CALM3: variants seen among roughly 807,000 people sequenced by gnomAD.
The protein encoded by CALM3 is calmodulin 3.
In CALM3, 5 loss-of-function variants were observed where a neutral mutation model predicts 20.1. The observed-to-expected ratio is 0.25, with a 90% CI of 0.13 to 0.52. The LOEUF (loss-of-function observed/expected upper bound fraction) is 0.52. CALM3 is among the 20% of genes least tolerant of loss of function. The pLI is 0.96. For synonymous variants in CALM3, 69 were observed against 68.1 expected, an observed-to-expected ratio of 1.01 and a Z score of -0.06; for missense variants, 57 against 192.8, an observed-to-expected ratio of 0.30 and a Z score of 4.17.
At chr19:46,602,419 T>C (rs1167806303) in intron 1 of CALM3, among the ~76,000 whole-genome samples, 1 of 128,934 alleles carries the variant, frequency 7.8e-6, no homozygotes, top group Non-Finnish European at 1.6e-5. Context: ...GCTTGGGTGG[T>C]TGGGAGGTGA....
At position 46,608,339 on chromosome 19, in the gene CALM3, T is replaced by C; in HGVS notation, c.177T>C (p.Asp59=). Residue 59 remains aspartate, a splice_region_variant and synonymous_variant, in exon 3 of 6, where the codon GAT becomes GAC. Transcript: ENST00000291295. The surrounding 1 kb of genome is among the most constrained non-coding windows in gnomAD (Gnocchi z 5.5). ...LQDMINEVDA[D]GNGTIDFPEF... ...ATATGATCAATGAGGTGGATGCAGA[T>C]GGTGAGCCCCACAGAGCGCGTGGGC... 1 of 1,614,050 alleles carries C rather than the reference T, an allele frequency of 6.2e-7. No individual in the cohort carries two copies. Among genetic ancestry groups the C allele is most frequent in the Non-Finnish European group, 8.5e-7 (1 of 1,179,964 alleles).
At chr19:46,603,440 G>A (rs1971676695) in intron 1 of CALM3, among the ~76,000 whole-genome samples, 1 of 152,208 alleles carries the variant, frequency 6.6e-6, no homozygotes, top group Admixed American at 6.5e-5. Context: ...GAGGGGCCCT[G>A]GCCTTGGTTT....
chr19:46,606,827 G>T (rs953374007), intron 2 of CALM3, among the ~76,000 whole-genome samples: 2 of 152,144 alleles, frequency 1.3e-5, no homozygotes, highest in African/African-American at 4.8e-5. Flanking sequence ...TATCTCCATA[G>T]CCAGGGGCCA....
At position 46,605,520 on chromosome 19, in the gene CALM3, C is replaced by T. The variant is rs1599756241; in HGVS notation, c.4-307C>T. Among the ~76,000 whole-genome samples the T allele has an allele frequency of 6.6e-6, 1 of 152,246 alleles. No individual in the cohort carries two copies. The highest frequency in any genetic ancestry group is 2.4e-5 in the African/African-American group (1 of 41,478). ...GTTTGGGGCTGGGGCAGGCTTTTCT[C>T]CCGCCCCTGTGGCTCCCACATGCTG... is the stretch of plus-strand genomic sequence containing the variant. On this transcript the variant is annotated intron_variant, in intron 1 of 5. Coordinates refer to ENST00000291295, the MANE Select transcript of CALM3 (RefSeq NM_005184.4). This position sits in a 1 kb window ranked among gnomAD's most constrained non-coding sequence, Gnocchi z 4.1.
At chr19:46,603,204 CAG>C (rs1216919032) in intron 1 of CALM3, among the ~76,000 whole-genome samples, 1 of 152,246 alleles carries the variant, frequency 6.6e-6, no homozygotes, top group African/African-American at 2.4e-5. Flanking sequence ...CTTGCTGACA[CAG>C]ACCTGATGGC....
rs200365925 is a variant in CALM3 at position 46,609,100 on chromosome 19, CCT to C, written c.422-16_422-15del. On this transcript the variant is annotated intron_variant, in intron 5 of 5. Transcript: ENST00000291295. The stretch of plus-strand genomic sequence containing the variant: ...GCCACTTAGCCTGCCCGCCTGACCT[CCT>C]CTCTCTCTGCTTCACTCCACAGAGT... 0.018 allele frequency: 29,103 copies of C among 1,613,832 alleles called. 310 individuals carry two copies. Among genetic ancestry groups the C allele is most frequent in the Non-Finnish European group, 0.021 (25,346 of 1,179,858 alleles).
At position 46,608,183 on chromosome 19, in the gene CALM3, C is replaced by G. The variant is rs370430097; in HGVS notation, c.35-14C>G. The G allele has an allele frequency of 4.5e-5, 72 of 1,611,868 alleles. No homozygotes were observed. In the African/African-American group the frequency reaches 8.8e-4, roughly 20 times the overall value. On this transcript the variant is annotated splice_polypyrimidine_tract_variant and intron_variant, in intron 2 of 5. Coordinates refer to ENST00000291295, the MANE Select transcript of CALM3 (RefSeq NM_005184.4). This position sits in a 1 kb window ranked among gnomAD's most constrained non-coding sequence, Gnocchi z 5.5. Reference sequence around the variant, plus strand: ...GACCTTGTGACCTCTGACTCCTCCCCCTTCTTCCCCCAGAGTTCAAGGAGG... The same window carrying G: ...GACCTTGTGACCTCTGACTCCTCCCGCTTCTTCCCCCAGAGTTCAAGGAGG...
Position 46,608,132 on chromosome 19 carries a change from C to T in CALM3, c.35-65C>T. The T allele has an allele frequency of 1.3e-6, 2 of 1,509,086 alleles. No individual in the cohort carries two copies. Among genetic ancestry groups the T allele is most frequent in the African/African-American group, 1.4e-5 (1 of 72,426 alleles). 93.5% of individuals were successfully genotyped at this position (1,509,086 alleles called of 1,614,324 possible). A position where few individuals can be genotyped will look rare whatever the true frequency, so the allele number is the denominator to read the frequency against. Reference sequence around the variant, plus strand: ...GCCTTCCTCCAGGGAAGGCATCCAGCATCCAGAGGTAAGGATTCTCCTGTG... The same window carrying T: ...GCCTTCCTCCAGGGAAGGCATCCAGTATCCAGAGGTAAGGATTCTCCTGTG... On this transcript the variant is annotated intron_variant, in intron 2 of 5. Transcript: ENST00000291295. The surrounding 1 kb of genome is among the most constrained non-coding windows in gnomAD (Gnocchi z 5.5).
In CALM3 at chr19:46,609,391, T is replaced by C. The variant is rs10113; in HGVS notation, c.*238T>C. On this transcript the variant is annotated 3_prime_UTR_variant, in exon 6 of 6. Transcript: ENST00000291295. Reference sequence around the variant, plus strand: ...CTTTTGCCCTCGCCTCTTCCATCCATGTCTTCCAAGGCCTGATGCATTCAT... The same window carrying C: ...CTTTTGCCCTCGCCTCTTCCATCCACGTCTTCCAAGGCCTGATGCATTCAT... The C allele has an allele frequency of 0.49, 289,653 of 588,516 alleles. 72,121 individuals carry two copies. Among genetic ancestry groups the C allele is most frequent in the Admixed American group, 0.56 (19,002 of 33,932 alleles). 36.5% of individuals were successfully genotyped at this position (588,516 alleles called of 1,614,324 possible).
In CALM3 at chr19:46,609,335, C is replaced by G; in HGVS notation, c.*182C>G. On this transcript the variant is annotated 3_prime_UTR_variant, in exon 6 of 6. Coordinates refer to ENST00000291295, the MANE Select transcript of CALM3 (RefSeq NM_005184.4). ...CATGATTGCTCTTTCTCCTTCTTCC[C>G]TGAGTCTCTCTCCATGCCCCTCATC... 1 of 657,754 alleles carries G rather than the reference C, an allele frequency of 1.5e-6. No individual in the cohort carries two copies. The highest frequency in any genetic ancestry group is 1.8e-5 in the South Asian group (1 of 55,594). The allele number at this position is 657,754 out of a possible 1,614,324, so 40.7% of individuals were successfully genotyped here. A position where few individuals can be genotyped will look rare whatever the true frequency, so the allele number is the denominator to read the frequency against.
chr19:46,607,489 C>G (rs185160023), intron 2 of CALM3, among the ~76,000 whole-genome samples: 2 of 152,214 alleles, frequency 1.3e-5, no homozygotes, highest in African/African-American at 2.4e-5. Flanking sequence ...CTCCCTGCCC[C>G]TGATGCGGCC....
rs1326643346 is a variant in CALM3, at chr19:46,601,410, T to G, written c.-25T>G. ...GCCGCCGGAGGAACCTTGATCCCCG[T>G]GCTCCGGACACCCCGGGCCTCGCCA... On this transcript the variant is annotated 5_prime_UTR_variant, in exon 1 of 6. Coordinates refer to ENST00000291295, the MANE Select transcript of CALM3 (RefSeq NM_005184.4). This position sits in a 1 kb window ranked among gnomAD's most constrained non-coding sequence, Gnocchi z 4.2. 1 of 1,506,886 alleles carries G rather than the reference T, an allele frequency of 6.6e-7. No homozygotes were observed. The highest frequency in any genetic ancestry group is 8.8e-7 in the Non-Finnish European group (1 of 1,130,350). 93.3% of individuals were successfully genotyped at this position (1,506,886 alleles called of 1,614,324 possible).
At chr19:46,606,782 C>G (rs1971751777) in intron 2 of CALM3, among the ~76,000 whole-genome samples, 1 of 152,178 alleles carries the variant, frequency 6.6e-6, no homozygotes, top group Non-Finnish European at 1.5e-5. Flanking sequence ...CCCGCCCATA[C>G]TGAGCTGCCC....
chr19:46,601,424 CG>C lies in CALM3; in HGVS notation c.-8del, dbSNP rs999014861. The C allele has an allele frequency of 3.3e-6, 5 of 1,504,622 alleles. No homozygotes were observed. Among genetic ancestry groups the C allele is most frequent in the Non-Finnish European group, 4.4e-6 (5 of 1,128,340 alleles). The allele number at this position is 1,504,622 out of a possible 1,614,324, so 93.2% of individuals were successfully genotyped here. On this transcript the variant is annotated 5_prime_UTR_variant, in exon 1 of 6. Transcript: ENST00000291295. This position sits in a 1 kb window ranked among gnomAD's most constrained non-coding sequence, Gnocchi z 4.2. ...CTTGATCCCCGTGCTCCGGACACCC[CG>C]GGCCTCGCCATGGTGAGTGAGGCTG... is the stretch of plus-strand genomic sequence containing the variant.
At position 46,608,573 on chromosome 19, in the gene CALM3, C is replaced by T; in HGVS notation, c.270C>T (p.Phe90=). 1 of 1,613,428 alleles carries T rather than the reference C, an allele frequency of 6.2e-7. No individual in the cohort carries two copies. Among genetic ancestry groups the T allele is most frequent in the Non-Finnish European group, 8.5e-7 (1 of 1,179,346 alleles). ...TDSEEEIREA[F]RVFDKDGNGY... is the part of the protein sequence containing the mutation. ...GTGAGGAGGAGATCCGAGAGGCGTT[C>T]CGTGTCTTTGACAAGGTAAGCAGCC... The change falls in exon 4 of 6, where the codon TTC becomes TTT. Residue 90 remains phenylalanine, a synonymous_variant. Transcript: ENST00000291295. This position sits in a 1 kb window ranked among gnomAD's most constrained non-coding sequence, Gnocchi z 5.5.
Sources: gnomAD v4.1 joint callset for allele counts (sites outside exome capture counted in the v4.1 genomes callset) on GRCh38, gnomAD v4.1.1 for gene constraint, Gnocchi (gnomAD v3.1) non-coding constraint, MANE v1.5 for transcripts, NCBI Gene and HGNC (gene_info 2026-07-23, HGNC 2026-07-21) for gene names.